The following LRRC8C variants were observed in gnomAD, a reference collection of about 807,000 sequenced individuals.
The protein encoded by LRRC8C is volume-regulated anion channel subunit LRRC8C.
In LRRC8C, 20 loss-of-function variants were observed where a neutral mutation model predicts 55.3. The observed-to-expected ratio is 0.36, with a 90% CI of 0.25 to 0.53. LRRC8C has a LOEUF of 0.53. Among genes scored for constraint, LRRC8C ranks in the 20% least tolerant of loss-of-function variants. LRRC8C has a pLI of 0.92. For missense variants in LRRC8C, 659 were observed against 951.4 expected, an observed-to-expected ratio of 0.69 and a Z score of 4.04; for synonymous variants, 376 against 360.7, an observed-to-expected ratio of 1.04 and a Z score of -0.48.
chr1:89,663,569 C>CAA (rs59206016), intron 1 of LRRC8C, among the ~76,000 whole-genome samples: 928 of 78,116 alleles, frequency 0.012, 9 homozygotes, highest in African/African-American at 0.033. Context: ...GACTCTGTCT[C>CAA]AAAAAAAAAA....
At chr1:89,700,582 A>C (rs1658291081) in intron 2 of LRRC8C, among the ~76,000 whole-genome samples, 1 of 152,238 alleles carries the variant, frequency 6.6e-6, no homozygotes. Context: ...GCCTGCTCTT[A>C]TCTCTGAACA....
Position 89,642,901 on chromosome 1 carries a change from C to A in LRRC8C, c.-5+9579C>A, listed in dbSNP as rs537634483. On this transcript the variant is annotated intron_variant, in intron 1 of 2. Coordinates refer to ENST00000370454, the MANE Select transcript of LRRC8C (RefSeq NM_032270.5). ...GGTGTGTTGGTGCGCACCTGTAATCCCAGCTACTCAGGAGGCTGAGACATG... is the reference window on the plus strand; with the variant it reads ...GGTGTGTTGGTGCGCACCTGTAATCACAGCTACTCAGGAGGCTGAGACATG... Among the ~76,000 whole-genome samples the A allele has an allele frequency of 1.3e-4, 19 of 151,160 alleles. No individual in the cohort carries two copies. The South Asian group carries it at 4.0e-3, about 32-fold the overall frequency.
chr1:89,621,267 T>C, the LRRC8C span, among the ~76,000 whole-genome samples: 1 of 147,232 alleles, frequency 6.8e-6, no homozygotes, highest in East Asian at 2.0e-4. Flanking sequence ...GAGATCATCC[T>C]GGCTAACATG....
chr1:89,645,373 C>T (rs1656581207), intron 1 of LRRC8C, among the ~76,000 whole-genome samples: 2 of 150,996 alleles, frequency 1.3e-5, no homozygotes, highest in East Asian at 3.9e-4. Context: ...GCCATAATGG[C>T]ATGTGGGAAA....
chr1:89,661,358 C>T (rs999565164), intron 1 of LRRC8C: 14 of 342,278 alleles, frequency 4.1e-5, no homozygotes, highest in South Asian at 5.9e-5. Flanking sequence ...ATGCCAGACA[C>T]GAGATACAGT....
chr1:89,655,832 G>A (rs1656927777), intron 1 of LRRC8C, among the ~76,000 whole-genome samples: 1 of 152,194 alleles, frequency 6.6e-6, no homozygotes. Context: ...TACTAAGCCT[G>A]CATCCCATCT....
chr1:89,665,701 T>A lies in LRRC8C; in HGVS notation c.-4-20769T>A, dbSNP rs1235193957. Among the ~76,000 whole-genome samples, 4 of 151,886 alleles carry A rather than the reference T, an allele frequency of 2.6e-5. No homozygotes were observed. In the South Asian group the frequency reaches 8.3e-4, roughly 32 times the overall value. On this transcript the variant is annotated intron_variant, in intron 1 of 2. Transcript: ENST00000370454. ...CAGCTTATTGTTGAAGAAAGAAAAATTTTTTTTATAAATTTAGTGTAGCCT... is the reference window on the plus strand; with the variant it reads ...CAGCTTATTGTTGAAGAAAGAAAAAATTTTTTTATAAATTTAGTGTAGCCT...
the LRRC8C span, chr1:89,624,951 G>A: frequency 6.6e-6 from 1 of 152,126 alleles, no homozygotes; most frequent in African/African-American, 2.4e-5. Context: ...CCAAACAATA[G>A]GAACCATAGA....
At chr1:89,620,965 A>G in the LRRC8C span, among the ~76,000 whole-genome samples, 75 of 152,340 alleles carry the variant, frequency 4.9e-4, 1 homozygote, top group Admixed American at 1.6e-3. Flanking sequence ...TGCTTTTGCA[A>G]CTGAAATGTG....
intron 1 of LRRC8C, among the ~76,000 whole-genome samples, chr1:89,646,533 C>T (rs1318811973): frequency 6.6e-6 from 1 of 151,938 alleles, no homozygotes; most frequent in Non-Finnish European, 1.5e-5. Context: ...GGTTTTTCTC[C>T]TTTATTATTT....
intron 2 of LRRC8C, among the ~76,000 whole-genome samples, chr1:89,704,800 CAG>C (rs1553167791): frequency 1.3e-5 from 2 of 152,056 alleles, no homozygotes; most frequent in Non-Finnish European, 2.9e-5. Context: ...TGTGGAGAAA[CAG>C]GAACACTTTT....
intron 1 of LRRC8C, among the ~76,000 whole-genome samples, chr1:89,678,878 G>A (rs2101258474): frequency 6.6e-6 from 1 of 152,284 alleles, no homozygotes; most frequent in South Asian, 2.1e-4. Flanking sequence ...GTTTGCTGTG[G>A]GGATGGGGAA....
At chr1:89,685,587 G>GAAAT (rs1657857391) in intron 1 of LRRC8C, among the ~76,000 whole-genome samples, 1 of 152,178 alleles carries the variant, frequency 6.6e-6, no homozygotes, top group Admixed American at 6.5e-5. Context: ...GTAGCAGGAT[G>GAAAT]ATTAACCTCA....
At chr1:89,669,375 C>T (rs1160296440) in intron 1 of LRRC8C, among the ~76,000 whole-genome samples, 1 of 151,988 alleles carries the variant, frequency 6.6e-6, no homozygotes, top group East Asian at 1.9e-4. Flanking sequence ...AACATTGTAC[C>T]TATAGTTACC....
chr1:89,665,666 C>T (rs767134265), intron 1 of LRRC8C, among the ~76,000 whole-genome samples: 5 of 152,220 alleles, frequency 3.3e-5, no homozygotes, highest in Middle Eastern at 6.8e-3. Flanking sequence ...AAAAAAGTTG[C>T]AGTAACCTAC....
chr1:89,666,753 C>T (rs189044051), intron 1 of LRRC8C, among the ~76,000 whole-genome samples: 1 of 152,254 alleles, frequency 6.6e-6, no homozygotes, highest in Admixed American at 6.5e-5. Flanking sequence ...AGTAGATGCT[C>T]ATTTCTCATT....
At chr1:89,697,274 A>G (rs1356832657) in intron 2 of LRRC8C, among the ~76,000 whole-genome samples, 1 of 152,232 alleles carries the variant, frequency 6.6e-6, no homozygotes, top group Non-Finnish European at 1.5e-5. Flanking sequence ...TCATTTAAAA[A>G]TATCCTTTTA....
chr1:89,644,256 C>T (rs7546410), intron 1 of LRRC8C, among the ~76,000 whole-genome samples: 84,838 of 152,160 alleles, frequency 0.56, 24,077 homozygotes, highest in East Asian at 0.79. Flanking sequence ...CCCACTGCAA[C>T]CTTCACCTCC....
intron 1 of LRRC8C, among the ~76,000 whole-genome samples, chr1:89,658,064 G>A (rs1266735790): frequency 6.6e-6 from 1 of 152,114 alleles, no homozygotes; most frequent in Admixed American, 6.6e-5. Context: ...ACATCCAAGA[G>A]CAGAATAGGT....
Sources: allele counts gnomAD v4.1 joint callset (sites outside exome capture counted in the v4.1 genomes callset), GRCh38; gene constraint gnomAD v4.1.1; transcripts MANE v1.5; gene names NCBI Gene and HGNC (gene_info 2026-07-23, HGNC 2026-07-21).